GSTK1: variants seen among roughly 807,000 people sequenced by gnomAD.
The protein encoded by GSTK1 is GST class-kappa.
Under a neutral mutation model 30.9 loss-of-function variants are expected in GSTK1, and 25 were observed. The ratio of observed to expected loss-of-function variants is 0.81; its 90% CI spans 0.59 to 1.13. The LOEUF (loss-of-function observed/expected upper bound fraction) is 1.13. Among genes scored for constraint, GSTK1 ranks in the 50% most tolerant of loss-of-function variants. The probability of loss-of-function intolerance (pLI) is 0.00; values close to 1 mark genes in which losing one functional copy is unlikely to be tolerated. For missense variants in GSTK1, 292 were observed against 292.4 expected (o/e 1.00, Z 0.01); for synonymous variants, 108 against 112.5 (o/e 0.96, Z 0.25).
chr7:143,267,983 G>T, intron 6 of GSTK1, 108 bp from the exon 7 acceptor site: 1 of 840,722 alleles, frequency 1.2e-6, no homozygotes, highest in Non-Finnish European at 1.9e-6. Context: ...GAGCCTCTTA[G>T]ACCTCTTTGC....
intron 4 of GSTK1, 50 bp from the exon 5 acceptor site, chr7:143,265,211 T>G: frequency 5.0e-6 from 8 of 1,606,070 alleles, no homozygotes; most frequent in Non-Finnish European, 5.1e-6. Context: ...GTCCTCCCAG[T>G]CACACCCCTC....
At chr7:143,264,236 T>C (rs1188694563) in intron 2 of GSTK1, 69 bp downstream of exon 2, 6 of 1,350,396 alleles carry the variant, frequency 4.4e-6, no homozygotes, top group African/African-American at 1.4e-5. Context: ...CGGGTCCTTA[T>C]ATTGGCACTG....
chr7:143,265,359 G>C, intron 5 of GSTK1, 63 bp downstream of exon 5: 1 of 1,387,524 alleles, frequency 7.2e-7, no homozygotes, highest in Admixed American at 2.4e-5. Flanking sequence ...TGGCGTTTGG[G>C]GGTAAAGAAG....
At position 143,268,174 on chromosome 7, in the gene GSTK1, G is replaced by A. The variant is rs375056570; in HGVS notation, c.621G>A (p.Ala207=). The part of the protein sequence containing the change: ...LFGSDRMELL[A]HLLGEKWMGP... The stretch of plus-strand genomic sequence containing the variant: ...GCTCTGACCGGATGGAGCTGCTGGC[G>A]CACCTGCTGGGTAAGTAAGTTAAAG... Residue 207 remains alanine, a synonymous_variant, in exon 7 of 8, where the codon GCG becomes GCA. Transcript: ENST00000358406. The surrounding 1 kb of genome is among the most constrained non-coding windows in gnomAD (Gnocchi z 4.1). 27 of 1,613,330 alleles carry A rather than the reference G, an allele frequency of 1.7e-5. No homozygotes were observed. Among genetic ancestry groups the A allele is most frequent in the East Asian group, 6.7e-5 (3 of 44,872 alleles).
intron 4 of GSTK1, 69 bp from the exon 5 acceptor site, chr7:143,265,192 G>C (rs1036981232): frequency 6.2e-7 from 1 of 1,606,868 alleles, no homozygotes; most frequent in East Asian, 2.3e-5. Flanking sequence ...CCCGCCCGGG[G>C]GATCTACTGT....
Position 143,268,795 on chromosome 7 carries a change from G to A in GSTK1, c.639G>A (p.Lys213=). The change falls in exon 8 of 8, where the codon AAG becomes AAA. Residue 213 remains lysine, a synonymous_variant. Transcript: ENST00000358406. This position sits in a 1 kb window ranked among gnomAD's most constrained non-coding sequence, Gnocchi z 4.1. The part of the protein sequence containing the change: ...MELLAHLLGE[K]WMGPIPPAVN... ...GTTGTTTTCTTCATCCAGGAGAGAA[G>A]TGGATGGGCCCTATACCTCCAGCCG... The A allele has an allele frequency of 6.2e-7, 1 of 1,613,970 alleles. No homozygotes were observed.
chr7:143,267,961 C>T, intron 6 of GSTK1, 130 bp from the exon 7 acceptor site: 1 of 742,222 alleles, frequency 1.3e-6, no homozygotes. Flanking sequence ...CAGGAAGGCA[C>T]CTGGGGCCAC....
rs1586423936 is a variant in GSTK1 at position 143,264,479 on chromosome 7, C to T, written c.155-69C>T. On this transcript the variant is annotated intron_variant, in intron 2 of 7. Coordinates refer to ENST00000358406, the MANE Select transcript of GSTK1 (RefSeq NM_015917.3). ...GAAGCTGCCCTCTGCCCAAAACCCA[C>T]GTCGAGGTCCCCAAACCTGGGACCC... The T allele has an allele frequency of 3.2e-5, 50 of 1,554,204 alleles. No individual in the cohort carries two copies. In the East Asian group the frequency reaches 1.0e-3, roughly 32 times the overall value.
rs574447513 is a variant in GSTK1, at chr7:143,268,944, G to T, written c.*107G>T. The stretch of plus-strand genomic sequence containing the variant: ...ACTCGGATTTCTCTATCTGATAGAG[G>T]TATTTTCTGTGGCCCTGGGAGCTGT... On this transcript the variant is annotated 3_prime_UTR_variant, in exon 8 of 8. Transcript: ENST00000358406. This position sits in a 1 kb window ranked among gnomAD's most constrained non-coding sequence, Gnocchi z 4.1. 26 of 942,402 alleles carry T rather than the reference G, an allele frequency of 2.8e-5. No homozygotes were observed. In the African/African-American group the frequency reaches 4.2e-4, roughly 15 times the overall value. The allele number at this position is 942,402 out of a possible 1,614,324, so 58.4% of individuals were successfully genotyped here.
chr7:143,264,037 C>G (rs17164171), intron 1 of GSTK1, 49 bp from the exon 2 acceptor site: 84,486 of 1,553,456 alleles, frequency 0.054, 2,567 homozygotes, highest in Middle Eastern at 0.13. Context: ...TCGGCTCTTT[C>G]ACTTTTCCAT....
At position 143,268,712 on chromosome 7, in the gene GSTK1, G is replaced by A. The variant is rs935736335; in HGVS notation, c.632-76G>A. 10 of 1,332,460 alleles carry A rather than the reference G, an allele frequency of 7.5e-6. No homozygotes were observed. Among genetic ancestry groups the A allele is most frequent in the Non-Finnish European group, 1.1e-5 (10 of 924,940 alleles). 82.5% of individuals were successfully genotyped at this position (1,332,460 alleles called of 1,614,324 possible). On this transcript the variant is annotated intron_variant, in intron 7 of 7. Coordinates refer to ENST00000358406, the MANE Select transcript of GSTK1 (RefSeq NM_015917.3). The surrounding 1 kb of genome is among the most constrained non-coding windows in gnomAD (Gnocchi z 4.1). Reference sequence around the variant, plus strand: ...GCAAAAGTCTTTCTAGAAAACCCCTGGGACCTTGTGGGACCAACTCCTGCT... The same window carrying A: ...GCAAAAGTCTTTCTAGAAAACCCCTAGGACCTTGTGGGACCAACTCCTGCT...
chr7:143,264,766 A>C (rs1800821694), intron 3 of GSTK1, 90 bp downstream of exon 3: 1 of 1,543,160 alleles, frequency 6.5e-7, no homozygotes, highest in Non-Finnish European at 8.9e-7. Flanking sequence ...GCTGCGGGAG[A>C]CTAAAGCAAG....
Position 143,267,638 on chromosome 7 carries a change from T to G in GSTK1, c.442T>G (p.Ser148Ala). 1 of 1,613,990 alleles carries G rather than the reference T, an allele frequency of 6.2e-7. No individual in the cohort carries two copies. The highest frequency in any genetic ancestry group is 8.5e-7 in the Non-Finnish European group (1 of 1,179,858). The part of the protein sequence containing the change: ...ILAAAEKAGM[S>A]AEQAQGLLEK... ...TTAGGCTGCAGAGAAGGCTGGTATG[T>G]CTGCAGAACAAGCCCAGGGACTTCT... The change falls in exon 6 of 8, where the codon TCT (serine) becomes GCT (alanine). Residue 148 changes from serine to alanine, a missense_variant. Coordinates refer to ENST00000358406, the MANE Select transcript of GSTK1 (RefSeq NM_015917.3).
At chr7:143,263,901 G>T in intron 1 of GSTK1, 185 bp from the exon 2 acceptor site, 1 of 619,598 alleles carries the variant, frequency 1.6e-6, no homozygotes, top group Non-Finnish European at 2.8e-6. Flanking sequence ...GGGAAAACTG[G>T]CCACAGGAGC....
intron 6 of GSTK1, 98 bp from the exon 7 acceptor site, chr7:143,267,993 C>A: frequency 1.1e-6 from 1 of 924,350 alleles, no homozygotes; most frequent in Non-Finnish European, 1.7e-6. Context: ...GACCTCTTTG[C>A]TTCTGTGAAC....
At chr7:143,263,972 T>A in intron 1 of GSTK1, 114 bp from the exon 2 acceptor site, 1 of 862,004 alleles carries the variant, frequency 1.2e-6, no homozygotes, top group East Asian at 2.6e-5. Context: ...AACCAAACAA[T>A]GTAGGGTGTC....
rs1800942805 is a variant in GSTK1, at chr7:143,268,349, G to T, written c.631+165G>T. ...CTACTAAAAATATAAAAATTAGCTG[G>T]GACTACAGCTGCCTCAGTGGGAGGC... On this transcript the variant is annotated intron_variant, in intron 7 of 7. Transcript: ENST00000358406. The surrounding 1 kb of genome is among the most constrained non-coding windows in gnomAD (Gnocchi z 4.1). 1.3e-5 allele frequency among the ~76,000 whole-genome samples: 2 copies of T among 152,060 alleles called. No homozygotes were observed. The highest frequency in any genetic ancestry group is 2.1e-4 in the South Asian group (1 of 4,812).
At chr7:143,265,738 G>A (rs1800856663) in intron 5 of GSTK1, among the ~76,000 whole-genome samples, 1 of 152,104 alleles carries the variant, frequency 6.6e-6, no homozygotes, top group African/African-American at 2.4e-5. Context: ...GCCTGAGTGA[G>A]AACAAATGGA....
chr7:143,267,765 C>A, intron 6 of GSTK1, 32 bp downstream of exon 6: 1 of 1,435,894 alleles, frequency 7.0e-7, no homozygotes, highest in Non-Finnish European at 9.8e-7. Context: ...TTCCCAGCAC[C>A]CATCCTGAAG....
Sources: gnomAD v4.1 joint callset for allele counts (sites outside exome capture counted in the v4.1 genomes callset) on GRCh38, gnomAD v4.1.1 for gene constraint, Gnocchi (gnomAD v3.1) non-coding constraint, MANE v1.5 for transcripts, NCBI Gene and HGNC (gene_info 2026-07-23, HGNC 2026-07-21) for gene names.